RFTN1: variants seen among roughly 807,000 people sequenced by gnomAD.
RFTN1 encodes raftlin, lipid raft linker 1.
Under a neutral mutation model 46.5 loss-of-function variants are expected in RFTN1, and 26 were observed. The ratio of observed to expected loss-of-function variants is 0.56; its 90% CI spans 0.41 to 0.78. The LOEUF is 0.78. Ranked by LOEUF, RFTN1 falls within the 30% of genes least tolerant of loss-of-function variation. The pLI is 0.00. For synonymous variants in RFTN1, 261 were observed against 284.2 expected, an observed-to-expected ratio of 0.92 and a Z score of 0.82; for missense variants, 693 against 718.7, an observed-to-expected ratio of 0.96 and a Z score of 0.41.
At chr3:16,438,530 AGCT>A (rs1293384266) in intron 2 of RFTN1, among the ~76,000 whole-genome samples, 1 of 131,294 alleles carries the variant, frequency 7.6e-6, no homozygotes, top group East Asian at 2.6e-4. Flanking sequence ...GGTTGCAGTG[AGCT>A]GAAATCGTGC....
chr3:16,399,769 A>C (rs1320915985), intron 4 of RFTN1, among the ~76,000 whole-genome samples: 1 of 152,088 alleles, frequency 6.6e-6, no homozygotes, highest in East Asian at 1.9e-4. Flanking sequence ...TTCTGCAGTC[A>C]TCCTTATCTC....
intron 2 of RFTN1, among the ~76,000 whole-genome samples, chr3:16,471,210 G>T (rs2076189349): frequency 6.6e-6 from 1 of 152,124 alleles, no homozygotes; most frequent in Non-Finnish European, 1.5e-5. Context: ...ATAAATCAAG[G>T]CCTATAATGC....
chr3:16,401,181 G>C (rs1256675365), intron 4 of RFTN1, among the ~76,000 whole-genome samples: 2 of 152,086 alleles, frequency 1.3e-5, no homozygotes, highest in African/African-American at 4.8e-5. Context: ...AAATTAGCTG[G>C]CCATGGTGGC....
chr3:16,420,167 G>T (rs149208439), intron 3 of RFTN1, among the ~76,000 whole-genome samples: 41 of 152,300 alleles, frequency 2.7e-4, no homozygotes, highest in Admixed American at 9.8e-4. Context: ...CTTTGCCTCG[G>T]TGCTCCCTGT....
intron 4 of RFTN1, among the ~76,000 whole-genome samples, chr3:16,378,308 A>T (rs2073861143): frequency 6.6e-6 from 1 of 152,222 alleles, no homozygotes; most frequent in Non-Finnish European, 1.5e-5. Context: ...ATTTGTTTTA[A>T]CTATATTGTC....
chr3:16,454,500 G>C (rs2124914661), intron 2 of RFTN1, among the ~76,000 whole-genome samples: 1 of 152,350 alleles, frequency 6.6e-6, no homozygotes, highest in South Asian at 2.1e-4. Flanking sequence ...TTGTGTGAGA[G>C]GCTGCCTGGA....
intron 6 of RFTN1, among the ~76,000 whole-genome samples, chr3:16,368,222 G>A (rs77003673): frequency 2.8e-5 from 4 of 143,504 alleles, no homozygotes; most frequent in South Asian, 2.4e-4. Flanking sequence ...AGCATGTACC[G>A]CCACTGGTGT....
chr3:16,317,972 G>A lies in RFTN1; in HGVS notation c.1333-740C>T, dbSNP rs529673553. On this transcript the variant is annotated intron_variant, in intron 9 of 9. Transcript: ENST00000334133. This position sits in a 1 kb window ranked among gnomAD's most constrained non-coding sequence, Gnocchi z 4.3. ...TTCTCCCTCTGCCCGCTACTGTACCGACAAGTGTTCTAAGGTAACTCCCTC... is the reference window on the plus strand; with the variant it reads ...TTCTCCCTCTGCCCGCTACTGTACCAACAAGTGTTCTAAGGTAACTCCCTC... Among the ~76,000 whole-genome samples the A allele has an allele frequency of 1.3e-5, 2 of 152,244 alleles. No homozygotes were observed. Among genetic ancestry groups the A allele is most frequent in the African/African-American group, 4.8e-5 (2 of 41,532 alleles).
chr3:16,509,210 A>C lies in RFTN1; in HGVS notation c.-9+4232T>G, dbSNP rs181498539. Among the ~76,000 whole-genome samples the C allele has an allele frequency of 2.0e-3, 301 of 152,312 alleles. 1 individual carries two copies. The highest frequency in any genetic ancestry group is 3.4e-3 in the African/African-American group (140 of 41,556). The stretch of plus-strand genomic sequence containing the variant: ...AATGAAAACAAACAAACAACAACAA[A>C]AAAAAACTAAAGAAAATGATTGCAG... On this transcript the variant is annotated intron_variant, in intron 1 of 9. Coordinates refer to ENST00000334133, the MANE Select transcript of RFTN1 (RefSeq NM_015150.2). This position sits in a 1 kb window ranked among gnomAD's most constrained non-coding sequence, Gnocchi z 4.9.
In RFTN1 at chr3:16,499,267, A is replaced by C. The variant is rs12635495; in HGVS notation, c.-8-5390T>G. Among the ~76,000 whole-genome samples, 56,990 of 152,092 alleles carry C rather than the reference A, an allele frequency of 0.37. 10,835 individuals carry two copies. The highest frequency in any genetic ancestry group is 0.5 in the South Asian group (2,418 of 4,818). Reference sequence around the variant, plus strand: ...CCTATTGAGAGGTGAGGTCTATGTCAATTACCCTGAATCTGGGCTCCAGGA... The same window carrying C: ...CCTATTGAGAGGTGAGGTCTATGTCCATTACCCTGAATCTGGGCTCCAGGA... On this transcript the variant is annotated intron_variant, in intron 1 of 9. Transcript: ENST00000334133. This position sits in a 1 kb window ranked among gnomAD's most constrained non-coding sequence, Gnocchi z 4.9.
chr3:16,352,482 G>C lies in RFTN1; in HGVS notation c.1146+5450C>G, dbSNP rs1261948199. Reference sequence around the variant, plus strand: ...CTCAAAGAAAGTAAACAAAATACCTGTTATAAATGCCCTATGGATAGACAT... The same window carrying C: ...CTCAAAGAAAGTAAACAAAATACCTCTTATAAATGCCCTATGGATAGACAT... On this transcript the variant is annotated intron_variant, in intron 7 of 9. Coordinates refer to ENST00000334133, the MANE Select transcript of RFTN1 (RefSeq NM_015150.2). The surrounding 1 kb of genome is among the most constrained non-coding windows in gnomAD (Gnocchi z 4.6). Among the ~76,000 whole-genome samples the C allele has an allele frequency of 6.6e-6, 1 of 152,176 alleles. No individual in the cohort carries two copies. Among genetic ancestry groups the C allele is most frequent in the African/African-American group, 2.4e-5 (1 of 41,438 alleles).
chr3:16,476,417 G>A (rs1390722476), intron 2 of RFTN1, among the ~76,000 whole-genome samples: 1 of 152,170 alleles, frequency 6.6e-6, no homozygotes, highest in Non-Finnish European at 1.5e-5. Context: ...TATGGTTGGA[G>A]GACATGGTAA....
At chr3:16,485,097 A>C (rs953033898) in intron 2 of RFTN1, among the ~76,000 whole-genome samples, 8 of 152,240 alleles carry the variant, frequency 5.3e-5, no homozygotes, top group Non-Finnish European at 1.0e-4. Context: ...GCATAAACCC[A>C]ACAATTCCAC....
At position 16,383,858 on chromosome 3, in the gene RFTN1, G is replaced by C. The variant is rs1342232128; in HGVS notation, c.442-5756C>G. On this transcript the variant is annotated intron_variant, in intron 4 of 9. Transcript: ENST00000334133. This position sits in a 1 kb window ranked among gnomAD's most constrained non-coding sequence, Gnocchi z 4.0. ...TAGATAGCATGGGTAAAGAGTCAGA[G>C]ACACTTCCAAGACTGTTTTGTCTGA... Among the ~76,000 whole-genome samples the C allele has an allele frequency of 2.0e-5, 3 of 152,206 alleles. No individual in the cohort carries two copies. Among genetic ancestry groups the C allele is most frequent in the Non-Finnish European group, 4.4e-5 (3 of 68,036 alleles).
At chr3:16,502,973 T>C (rs2076737819) in intron 1 of RFTN1, among the ~76,000 whole-genome samples, 1 of 152,360 alleles carries the variant, frequency 6.6e-6, no homozygotes, top group Non-Finnish European at 1.5e-5. Flanking sequence ...AGTGGCATTG[T>C]GGAGTGGTTG....
intron 4 of RFTN1, 38 bp downstream of exon 4, chr3:16,409,337 G>A (rs746953361): frequency 3.5e-6 from 5 of 1,408,606 alleles, no homozygotes; most frequent in East Asian, 2.3e-5. Context: ...GGGAACACTC[G>A]CAAACCTCTT....
At chr3:16,357,309 G>C (rs1559854798) in intron 7 of RFTN1, among the ~76,000 whole-genome samples, 1 of 152,098 alleles carries the variant, frequency 6.6e-6, no homozygotes, top group Non-Finnish European at 1.5e-5. Flanking sequence ...AAGTAAATTA[G>C]CTCCTCCAAA....
chr3:16,357,209 C>G (rs2072511407), intron 7 of RFTN1, among the ~76,000 whole-genome samples: 1 of 152,052 alleles, frequency 6.6e-6, no homozygotes, highest in Admixed American at 6.6e-5. Context: ...CTTTATATCC[C>G]AGACACTGTG....
At chr3:16,482,862 C>G (rs781026082) in intron 2 of RFTN1, 59 of 1,532,298 alleles carry the variant, frequency 3.9e-5, no homozygotes, top group Non-Finnish European at 4.9e-5. Flanking sequence ...AAGGACTGTA[C>G]GAGGAGGAGC....
Sources: gnomAD v4.1 joint callset for allele counts (sites outside exome capture counted in the v4.1 genomes callset) on GRCh38, gnomAD v4.1.1 for gene constraint, Gnocchi (gnomAD v3.1) non-coding constraint, MANE v1.5 for transcripts, NCBI Gene and HGNC (gene_info 2026-07-23, HGNC 2026-07-21) for gene names.